The following CNOT6 variants were observed in gnomAD, a reference collection of about 807,000 sequenced individuals.
CNOT6 encodes CCR4-NOT transcription complex subunit 6.
CNOT6 carries 12 observed loss-of-function variants against 61.2 expected under a neutral mutation model. The observed-to-expected ratio is 0.20, with a 90% CI of 0.13 to 0.32. The LOEUF (loss-of-function observed/expected upper bound fraction) is 0.32, where lower values mean the gene tolerates loss of function less well. Ranked by LOEUF, CNOT6 falls within the 10% of genes least tolerant of loss-of-function variation. The pLI is 1.00. For synonymous variants in CNOT6, 225 were observed against 240.6 expected, an observed-to-expected ratio of 0.94 and a Z score of 0.60; for missense variants, 405 against 663.9, an observed-to-expected ratio of 0.61 and a Z score of 4.28.
Position 180,574,461 on chromosome 5 carries a change from C to A in CNOT6, c.*261C>A. ...TTTGTCATAAGAGATTTTCCTATTT[C>A]TTCTACCCAATAGAATATTTTCATG... On this transcript the variant is annotated 3_prime_UTR_variant, in exon 12 of 12. Transcript: ENST00000261951. The A allele has an allele frequency of 1.9e-6, 1 of 514,050 alleles. No homozygotes were observed. The highest frequency in any genetic ancestry group is 3.5e-6 in the Non-Finnish European group (1 of 284,932). 31.8% of individuals were successfully genotyped at this position (514,050 alleles called of 1,614,324 possible).
At position 180,568,014 on chromosome 5, in the gene CNOT6, T is replaced by G; in HGVS notation, c.1027+11T>G. 6.3e-7 allele frequency: 1 copy of G among 1,592,230 alleles called. No homozygotes were observed. The highest frequency in any genetic ancestry group is 1.1e-5 in the South Asian group (1 of 88,352). On this transcript the variant is annotated intron_variant, in intron 9 of 11. Coordinates refer to ENST00000261951, the MANE Select transcript of CNOT6 (RefSeq NM_001370472.1). Reference sequence around the variant, plus strand: ...CGATTGAAATGCCGTGTGAGTGCCCTTCACTTCCTGTAAAATTGACCAGCT... The same window carrying G: ...CGATTGAAATGCCGTGTGAGTGCCCGTCACTTCCTGTAAAATTGACCAGCT...
At chr5:180,546,993 G>C (rs1005583345) in intron 2 of CNOT6, among the ~76,000 whole-genome samples, 4 of 152,146 alleles carry the variant, frequency 2.6e-5, no homozygotes, top group Non-Finnish European at 1.5e-5. Flanking sequence ...ATAGCCTGAA[G>C]GTAACTTTAT....
Position 180,569,277 on chromosome 5 carries a change from T to C in CNOT6, c.1195T>C (p.Leu399=). 6.2e-7 allele frequency: 1 copy of C among 1,614,230 alleles called. No homozygotes were observed. The highest frequency in any genetic ancestry group is 1.1e-5 in the South Asian group (1 of 91,086). ...KASRNLKSSV[L]GEFGTIPLVL... ...CTCTCGCAACCTCAAATCCAGTGTT[T>C]TGGGAGAATTTGGAACTATTCCACT... Residue 399 remains leucine, a synonymous_variant, in exon 10 of 12, where the codon TTG becomes CTG. Coordinates refer to ENST00000261951, the MANE Select transcript of CNOT6 (RefSeq NM_001370472.1).
At chr5:180,533,265 A>G (rs1270987531) in intron 2 of CNOT6, among the ~76,000 whole-genome samples, 4 of 149,856 alleles carry the variant, frequency 2.7e-5, no homozygotes, top group African/African-American at 7.4e-5. Context: ...CTCTAACATT[A>G]TAACAAAGAC....
intron 2 of CNOT6, among the ~76,000 whole-genome samples, chr5:180,546,566 C>T (rs757937537): frequency 1.3e-5 from 2 of 152,180 alleles, no homozygotes; most frequent in Non-Finnish European, 2.9e-5. Flanking sequence ...TGATGTGTCA[C>T]TTCTGCATAT....
chr5:180,557,534 C>T (rs1361175671), intron 4 of CNOT6, among the ~76,000 whole-genome samples: 2 of 152,154 alleles, frequency 1.3e-5, no homozygotes, highest in Non-Finnish European at 2.9e-5. Flanking sequence ...TCTTCTGTGA[C>T]ATTTCTTCTT....
At chr5:180,551,744 G>C (rs1485135250) in intron 3 of CNOT6, among the ~76,000 whole-genome samples, 1 of 152,040 alleles carries the variant, frequency 6.6e-6, no homozygotes, top group African/African-American at 2.4e-5. Flanking sequence ...AGGACCTTTT[G>C]AAAGGTCTTT....
chr5:180,532,901 A>G (rs1758463797), intron 2 of CNOT6, among the ~76,000 whole-genome samples: 1 of 152,232 alleles, frequency 6.6e-6, no homozygotes, highest in Non-Finnish European at 1.5e-5. Context: ...GCACAGGGCA[A>G]GGTGTAGGGG....
At chr5:180,525,144 A>C (rs1758042145) in intron 1 of CNOT6, among the ~76,000 whole-genome samples, 1 of 152,202 alleles carries the variant, frequency 6.6e-6, no homozygotes, top group South Asian at 2.1e-4. Flanking sequence ...AACGTATAAG[A>C]CCAGTTTGTT....
At chr5:180,551,158 A>C (rs1278454727) in intron 3 of CNOT6, among the ~76,000 whole-genome samples, 1 of 151,714 alleles carries the variant, frequency 6.6e-6, no homozygotes, top group Non-Finnish European at 1.5e-5. Flanking sequence ...AGTCTGGTCA[A>C]CATAGCGAGA....
chr5:180,570,086 C>T (rs10067718), intron 10 of CNOT6, among the ~76,000 whole-genome samples: 37,657 of 151,998 alleles, frequency 0.25, 5,373 homozygotes, highest in East Asian at 0.51. Flanking sequence ...GGCTGGGTGC[C>T]GTGGCTCACG....
intron 1 of CNOT6, among the ~76,000 whole-genome samples, chr5:180,502,139 G>A (rs17080352): frequency 0.096 from 14,573 of 152,176 alleles, 850 homozygotes; most frequent in East Asian, 0.25. Flanking sequence ...GTTTCCTTAA[G>A]TCCAAAACTT....
chr5:180,514,717 C>T (rs1216440905), intron 1 of CNOT6, among the ~76,000 whole-genome samples: 2 of 152,152 alleles, frequency 1.3e-5, no homozygotes, highest in Non-Finnish European at 2.9e-5. Context: ...CTTTATTCAT[C>T]GTGCCTGGCA....
In CNOT6 at chr5:180,574,276, C is replaced by A; in HGVS notation, c.*76C>A. ...CTGAACATAGGGGAGTGAGGTATGG[C>A]CACTGAGGATTTTTGCTTGCTTAAG... On this transcript the variant is annotated 3_prime_UTR_variant, in exon 12 of 12. Transcript: ENST00000261951. 8.3e-7 allele frequency: 1 copy of A among 1,204,936 alleles called. No individual in the cohort carries two copies. The highest frequency in any genetic ancestry group is 1.2e-6 in the Non-Finnish European group (1 of 815,068). 74.6% of individuals were successfully genotyped at this position (1,204,936 alleles called of 1,614,324 possible).
At chr5:180,510,945 C>A (rs189184410) in intron 1 of CNOT6, among the ~76,000 whole-genome samples, 1 of 152,212 alleles carries the variant, frequency 6.6e-6, no homozygotes, top group South Asian at 2.1e-4. Context: ...GCTGGGACTA[C>A]AGGCACCTGC....
intron 4 of CNOT6, among the ~76,000 whole-genome samples, chr5:180,556,311 A>G (rs1389111413): frequency 6.6e-6 from 1 of 152,178 alleles, no homozygotes; most frequent in Non-Finnish European, 1.5e-5. Context: ...GAGGGTGCGC[A>G]GTTTCATTTA....
chr5:180,573,904 A>G lies in CNOT6; in HGVS notation c.1462-84A>G, dbSNP rs1291118668. On this transcript the variant is annotated intron_variant, in intron 11 of 11. Transcript: ENST00000261951. ...ACTTGTTCTGTTCTGTTCACCAAAC[A>G]TGACATAAAGGCATGTCTTGAAAGC... is the stretch of plus-strand genomic sequence containing the variant. The G allele has an allele frequency of 2.1e-5, 19 of 922,498 alleles. 1 individual carries two copies. Among genetic ancestry groups the G allele is most frequent in the South Asian group, 2.0e-4 (14 of 70,688 alleles). The allele number at this position is 922,498 out of a possible 1,614,324, so 57.1% of individuals were successfully genotyped here.
At chr5:180,552,447 C>T (rs1377898731) in intron 3 of CNOT6, among the ~76,000 whole-genome samples, 1 of 151,664 alleles carries the variant, frequency 6.6e-6, no homozygotes, top group African/African-American at 2.4e-5. Context: ...CGAGACCATC[C>T]TGGCTAACAC....
intron 2 of CNOT6, among the ~76,000 whole-genome samples, chr5:180,531,007 TC>T (rs1364983200): frequency 6.6e-6 from 1 of 152,188 alleles, no homozygotes; most frequent in Non-Finnish European, 1.5e-5. Context: ...CTCTTTCTTT[TC>T]CCCACATTTC....
Sources: allele counts gnomAD v4.1 joint callset (sites outside exome capture counted in the v4.1 genomes callset), GRCh38; gene constraint gnomAD v4.1.1; transcripts MANE v1.5; gene names NCBI Gene and HGNC (gene_info 2026-07-23, HGNC 2026-07-21).